The following ASTN1 variants were observed in gnomAD, a reference collection of about 807,000 sequenced individuals.
ASTN1 encodes the protein astrotactin 1, also known as astrotactin-1.
A neutral mutation model predicts 140.7 loss-of-function variants in ASTN1; 41 were observed. The ratio of observed to expected loss-of-function variants is 0.29; its 90% CI spans 0.23 to 0.38. The LOEUF (loss-of-function observed/expected upper bound fraction) is 0.38. Among genes scored for constraint, ASTN1 ranks in the 10% least tolerant of loss-of-function variants. The probability of loss-of-function intolerance (pLI) is 1.00; values close to 1 mark genes in which losing one functional copy is unlikely to be tolerated. For synonymous variants in ASTN1, 640 were observed against 652.2 expected (o/e 0.98, Z 0.29); for missense variants, 1,479 against 1,678.8 (o/e 0.88, Z 2.08).
Position 177,033,638 on chromosome 1 carries a change from A to G in ASTN1, c.472-789T>C, listed in dbSNP as rs559553171. Among the ~76,000 whole-genome samples the G allele has an allele frequency of 2.1e-3, 316 of 152,272 alleles. 3 individuals carry two copies. The highest frequency in any genetic ancestry group is 7.0e-3 in the African/African-American group (292 of 41,554). Reference sequence around the variant, plus strand: ...ACTTTTGGGTCACAGCTTTCCCTTAACCACACAGTCCTGAGTGATGTTCCG... The same window carrying G: ...ACTTTTGGGTCACAGCTTTCCCTTAGCCACACAGTCCTGAGTGATGTTCCG... On this transcript the variant is annotated intron_variant, in intron 2 of 22. Coordinates refer to ENST00000361833, the MANE Select transcript of ASTN1 (RefSeq NM_004319.3).
At chr1:176,911,754 A>G (rs1304935767) in intron 16 of ASTN1, among the ~76,000 whole-genome samples, 1 of 152,216 alleles carries the variant, frequency 6.6e-6, no homozygotes, top group Non-Finnish European at 1.5e-5. Context: ...CCTTTAAAAA[A>G]TGAGTACACT....
In ASTN1 at chr1:176,949,280, G is replaced by C. The variant is rs751038341; in HGVS notation, c.1959C>G (p.Ser653=). ...CYDRHIGVDC[S]DGFNGGCEQL... ...GCTCACAGCCGCCGTTGAAGCCGTC[G>C]GAACAGTCCACCCCGATGTGGCGGT... The change falls in exon 12 of 23, where the codon TCC becomes TCG. Residue 653 remains serine, a synonymous_variant. Transcript: ENST00000361833. The C allele has an allele frequency of 2.3e-5, 37 of 1,613,952 alleles. No homozygotes were observed. Among genetic ancestry groups the C allele is most frequent in the Non-Finnish European group, 3.0e-5 (35 of 1,180,026 alleles).
At chr1:176,950,663 T>C (rs4652209) in intron 11 of ASTN1, among the ~76,000 whole-genome samples, 35,174 of 151,482 alleles carry the variant, frequency 0.23, 4,405 homozygotes, top group African/African-American at 0.33. Context: ...GCATTAGAGC[T>C]AATCCTTTCT....
At chr1:177,100,477 T>A (rs927750262) in intron 1 of ASTN1, among the ~76,000 whole-genome samples, 3 of 152,144 alleles carry the variant, frequency 2.0e-5, no homozygotes, top group South Asian at 2.1e-4. Flanking sequence ...GATACCCCAG[T>A]CCCCTGAAGC....
chr1:177,038,731 G>A lies in ASTN1; in HGVS notation c.472-5882C>T, dbSNP rs558586829. The stretch of plus-strand genomic sequence containing the variant: ...ATTTTTTTTCAGTGGTCACTGTTAT[G>A]AAGATAATGCGGTGAATAACACACG... On this transcript the variant is annotated intron_variant, in intron 2 of 22. Coordinates refer to ENST00000361833, the MANE Select transcript of ASTN1 (RefSeq NM_004319.3). Among the ~76,000 whole-genome samples, 45 of 152,172 alleles carry A rather than the reference G, an allele frequency of 3.0e-4. No individual in the cohort carries two copies. In the South Asian group the frequency reaches 9.1e-3, roughly 31 times the overall value.
At chr1:176,958,242 T>G in intron 10 of ASTN1, 103 bp downstream of exon 10, 1 of 1,565,068 alleles carries the variant, frequency 6.4e-7, no homozygotes, top group Non-Finnish European at 8.6e-7. Context: ...AATTTTTCCT[T>G]TTAGCTTGTT....
chr1:176,944,062 C>G lies in ASTN1; in HGVS notation c.2250-44G>C, dbSNP rs766465746. On this transcript the variant is annotated intron_variant, in intron 13 of 22. Coordinates refer to ENST00000361833, the MANE Select transcript of ASTN1 (RefSeq NM_004319.3). Reference sequence around the variant, plus strand: ...TTCATTTCTGAGTGTTCAGGTGAACCTGACTCCTTACTGAGCATTTTTTTT... The same window carrying G: ...TTCATTTCTGAGTGTTCAGGTGAACGTGACTCCTTACTGAGCATTTTTTTT... The G allele has an allele frequency of 3.1e-6, 5 of 1,597,402 alleles. No homozygotes were observed. The African/African-American group carries it at 5.5e-5, about 17-fold the overall frequency.
At chr1:176,942,818 GTGTATATATATATATATGTA>G (rs1222076068) in intron 14 of ASTN1, among the ~76,000 whole-genome samples, 945 of 31,924 alleles carry the variant, frequency 0.03, 50 homozygotes, top group African/African-American at 0.072. Flanking sequence ...CTTTGTGTGT[GTGTATATATATATATATGTA>G]TATATATATA....
intron 9 of ASTN1, 134 bp downstream of exon 9, chr1:176,965,028 CT>C (rs757295496): frequency 1.1e-4 from 86 of 803,850 alleles, no homozygotes; most frequent in Non-Finnish European, 1.3e-4. Context: ...GGGGCAAACA[CT>C]TTTGTTAGCA....
intron 16 of ASTN1, among the ~76,000 whole-genome samples, chr1:176,896,034 A>T (rs1310706918): frequency 6.6e-6 from 1 of 152,174 alleles, no homozygotes; most frequent in Non-Finnish European, 1.5e-5. Flanking sequence ...TTAAAGTGGT[A>T]CCCGAAGGTG....
At chr1:176,995,011 A>G (rs1478764449) in intron 8 of ASTN1, among the ~76,000 whole-genome samples, 1 of 152,200 alleles carries the variant, frequency 6.6e-6, no homozygotes, top group Non-Finnish European at 1.5e-5. Context: ...ACACCATGCC[A>G]AATGTTAAAT....
intron 8 of ASTN1, among the ~76,000 whole-genome samples, chr1:176,970,304 T>A (rs1445888695): frequency 1.3e-5 from 2 of 152,202 alleles, no homozygotes; most frequent in Non-Finnish European, 2.9e-5. Flanking sequence ...TGTAACCTAG[T>A]GAGTGAGTAA....
At chr1:177,028,530 C>T (rs973811067) in intron 5 of ASTN1, among the ~76,000 whole-genome samples, 9 of 152,072 alleles carry the variant, frequency 5.9e-5, no homozygotes, top group East Asian at 5.8e-4. Flanking sequence ...AGTGGAGGTA[C>T]GAGAGAATAA....
rs1281225900 is a variant in ASTN1, at chr1:177,164,400, C to A, written c.277G>T (p.Val93Leu). 12 of 1,594,828 alleles carry A rather than the reference C, an allele frequency of 7.5e-6. No individual in the cohort carries two copies. The highest frequency in any genetic ancestry group is 5.2e-5 in the Admixed American group (3 of 57,772). ...DLENTELPYFVLEISGNTEDI... is the reference protein window; with the variant it reads ...DLENTELPYFLLEISGNTEDI... ...GACCTCCCCCGGGACTCACCCAGCACGAAGTAGGGCAGCTCCGTGTTCTCC... is the reference window on the plus strand; with the variant it reads ...GACCTCCCCCGGGACTCACCCAGCAAGAAGTAGGGCAGCTCCGTGTTCTCC... Residue 93 changes from valine (V) to leucine (L), a missense_variant, in exon 1 of 23, where the codon GTG (valine) becomes TTG (leucine). By Grantham distance (32) the Val-to-Leu change is conservative. Coordinates refer to ENST00000361833, the MANE Select transcript of ASTN1 (RefSeq NM_004319.3).
intron 1 of ASTN1, among the ~76,000 whole-genome samples, chr1:177,100,053 A>G (rs902589923): frequency 1.3e-5 from 2 of 152,210 alleles, no homozygotes; most frequent in Non-Finnish European, 2.9e-5. Context: ...ATACAAAGCT[A>G]GTAAATGGCA....
chr1:176,940,834 A>G (rs1049260514), intron 14 of ASTN1, among the ~76,000 whole-genome samples: 7 of 152,336 alleles, frequency 4.6e-5, no homozygotes, highest in Admixed American at 1.3e-4. Flanking sequence ...ATGTGTGAAA[A>G]TGATTCTCTA....
At chr1:176,931,151 T>A (rs186189531) in intron 16 of ASTN1, among the ~76,000 whole-genome samples, 5 of 152,298 alleles carry the variant, frequency 3.3e-5, no homozygotes, top group South Asian at 2.1e-4. Flanking sequence ...TTCTGAAATG[T>A]TTTACTTGCT....
chr1:176,984,159 A>G (rs1172502626), intron 8 of ASTN1, among the ~76,000 whole-genome samples: 1 of 152,238 alleles, frequency 6.6e-6, no homozygotes, highest in Non-Finnish European at 1.5e-5. Flanking sequence ...GCCTCTTAGC[A>G]TTCTGCAAGA....
In ASTN1 at chr1:176,864,124, G is replaced by A; in HGVS notation, c.*160C>T. ...TGCAGATGGAGAACATCATACTGAAGAAGTTCTGCAGGGAGCAAGGATCAC... is the reference window on the plus strand; with the variant it reads ...TGCAGATGGAGAACATCATACTGAAAAAGTTCTGCAGGGAGCAAGGATCAC... On this transcript the variant is annotated 3_prime_UTR_variant, in exon 23 of 23. Coordinates refer to ENST00000361833, the MANE Select transcript of ASTN1 (RefSeq NM_004319.3). The A allele has an allele frequency of 2.0e-6, 3 of 1,468,486 alleles. No individual in the cohort carries two copies. Among genetic ancestry groups the A allele is most frequent in the Middle Eastern group, 2.6e-4 (1 of 3,894 alleles). The allele number at this position is 1,468,486 out of a possible 1,614,324, so 91.0% of individuals were successfully genotyped here. A position where few individuals can be genotyped will look rare whatever the true frequency, so the allele number is the denominator to read the frequency against.
Sources: allele counts gnomAD v4.1 joint callset (sites outside exome capture counted in the v4.1 genomes callset), GRCh38; gene constraint gnomAD v4.1.1; transcripts MANE v1.5; gene names NCBI Gene and HGNC (gene_info 2026-07-23, HGNC 2026-07-21).